Variants in PPIL6 observed in about 807,000 individuals in gnomAD.
PPIL6 encodes peptidylprolyl isomerase like 6, also known as probable inactive peptidyl-prolyl cis-trans isomerase-like 6.
A neutral mutation model predicts 36.8 loss-of-function variants in PPIL6; 39 were observed. That is an observed-to-expected ratio of 1.06 (90% CI 0.82 to 1.38). The LOEUF is 1.38. PPIL6 is among the 40% of genes most tolerant of loss of function. The pLI, the probability that PPIL6 is intolerant of heterozygous loss-of-function variation, is 0.00. For missense variants in PPIL6, 368 were observed against 379.1 expected (o/e 0.97, Z 0.24); for synonymous variants, 123 against 134.1 (o/e 0.92, Z 0.57).
chr6:109,440,438 A>T lies in PPIL6; in HGVS notation c.135+18T>A, dbSNP rs1410359445. ...TAGCGGGGAGGGCCGCCCACGACGG[A>T]GGTTTCTCTGTGGTTACCTCAGCGG... On this transcript the variant is annotated intron_variant, in intron 1 of 7. Transcript: ENST00000521072. 1 of 1,538,190 alleles carries T rather than the reference A, an allele frequency of 6.5e-7. No individual in the cohort carries two copies. The highest frequency in any genetic ancestry group is 8.8e-7 in the Non-Finnish European group (1 of 1,140,338).
chr6:109,398,534 G>A (rs910949393), intron 7 of PPIL6, among the ~76,000 whole-genome samples: 1 of 152,152 alleles, frequency 6.6e-6, no homozygotes, highest in Non-Finnish European at 1.5e-5. Context: ...AGTAAGCCCT[G>A]CCTCATATTC....
upstream of PPIL6, chr6:109,440,650 G>T: frequency 8.6e-7 from 1 of 1,169,286 alleles, no homozygotes; most frequent in Non-Finnish European, 1.1e-6. Context: ...GCAACCGCGC[G>T]GCCCCGCCTC....
intron 5 of PPIL6, 45 bp downstream of exon 5, chr6:109,426,802 T>C (rs775491530): frequency 3.0e-6 from 4 of 1,327,546 alleles, no homozygotes; most frequent in Non-Finnish European, 4.1e-6. Context: ...TTGGACCTTC[T>C]CATTTGATAT....
intron 6 of PPIL6, among the ~76,000 whole-genome samples, chr6:109,408,153 A>C (rs1270890338): frequency 6.6e-6 from 1 of 152,198 alleles, no homozygotes; most frequent in African/African-American, 2.4e-5. Flanking sequence ...GCCCTTTATA[A>C]TTTAACATCA....
chr6:109,401,342 T>C (rs1166788566), intron 6 of PPIL6, among the ~76,000 whole-genome samples: 1 of 152,182 alleles, frequency 6.6e-6, no homozygotes, highest in African/African-American at 2.4e-5. Flanking sequence ...CAAGTTCAAA[T>C]ACACAGAAGG....
At chr6:109,440,380 G>C in intron 1 of PPIL6, 76 bp downstream of exon 1, 1 of 1,490,944 alleles carries the variant, frequency 6.7e-7, no homozygotes, top group Non-Finnish European at 9.0e-7. Context: ...TCGAGGAGGC[G>C]CGGCGCCTGC....
intron 6 of PPIL6, among the ~76,000 whole-genome samples, chr6:109,406,683 G>A (rs572277574): frequency 1.7e-3 from 263 of 152,242 alleles, no homozygotes; most frequent in African/African-American, 6.1e-3. Flanking sequence ...ATATAGGAAA[G>A]GTGGTGCTTG....
chr6:109,407,860 T>C (rs1182776208), intron 6 of PPIL6, among the ~76,000 whole-genome samples: 1 of 152,160 alleles, frequency 6.6e-6, no homozygotes, highest in Non-Finnish European at 1.5e-5. Context: ...GGTCTTGCTA[T>C]GTTGCCCAGG....
chr6:109,423,094 C>T (rs567331657), intron 5 of PPIL6, among the ~76,000 whole-genome samples: 174 of 152,108 alleles, frequency 1.1e-3, no homozygotes, highest in Non-Finnish European at 1.9e-3. Context: ...CAGCTGGGCA[C>T]GGTGGCTCAT....
intron 6 of PPIL6, among the ~76,000 whole-genome samples, chr6:109,401,924 C>T (rs1049998790): frequency 5.3e-5 from 8 of 151,886 alleles, no homozygotes; most frequent in African/African-American, 1.9e-4. Flanking sequence ...AGGGTTTCAC[C>T]GTGTTTGCTA....
chr6:109,407,333 G>A (rs1772842631), intron 6 of PPIL6, among the ~76,000 whole-genome samples: 1 of 151,622 alleles, frequency 6.6e-6, no homozygotes, highest in Non-Finnish European at 1.5e-5. Context: ...TCTGCCTCCC[G>A]GGTTCACGCC....
intron 6 of PPIL6, chr6:109,405,006 A>C (rs1772735035): frequency 5.7e-6 from 2 of 352,514 alleles, no homozygotes; most frequent in African/African-American, 4.6e-5. Flanking sequence ...GTGAGCCGAG[A>C]TCACGCCATT....
chr6:109,414,762 G>C (rs765360841), intron 6 of PPIL6, among the ~76,000 whole-genome samples: 48 of 152,034 alleles, frequency 3.2e-4, no homozygotes, highest in Non-Finnish European at 1.6e-4. Flanking sequence ...TAAACAATGC[G>C]GGGGGTTAGG....
chr6:109,390,377 A>G lies in PPIL6; in HGVS notation c.*2449T>C, dbSNP rs1367397650. 2.0e-5 allele frequency: 3 copies of G among 152,214 alleles called. No individual in the cohort carries two copies. Among genetic ancestry groups the G allele is most frequent in the Non-Finnish European group, 4.4e-5 (3 of 68,042 alleles). The allele number at this position is 152,214 out of a possible 1,614,324, so 9.4% of individuals were successfully genotyped here. ...TCAGATGAAGGAATTGAGGCACAGA[A>G]AAGTTCTTGCCTGAGTTTGTGCAGC... On this transcript the variant is annotated 3_prime_UTR_variant, in exon 8 of 8. Coordinates refer to ENST00000521072, the MANE Select transcript of PPIL6 (RefSeq NM_173672.5).
chr6:109,417,406 AC>A (rs1773322222), intron 6 of PPIL6, among the ~76,000 whole-genome samples: 2 of 150,584 alleles, frequency 1.3e-5, no homozygotes, highest in Admixed American at 1.3e-4. Context: ...TTTTAAAGAA[AC>A]TGACTGTAAG....
At chr6:109,399,730 T>TG (rs1308159325) in intron 7 of PPIL6, among the ~76,000 whole-genome samples, 1 of 152,184 alleles carries the variant, frequency 6.6e-6, no homozygotes, top group African/African-American at 2.4e-5. Flanking sequence ...TTTGTAGAGA[T>TG]GGGGTCTCGC....
chr6:109,402,945 A>T, intron 6 of PPIL6: 1 of 838,000 alleles, frequency 1.2e-6, no homozygotes, highest in Non-Finnish European at 1.8e-6. Flanking sequence ...AGCTTTGCAG[A>T]CATAAAGTAT....
At chr6:109,398,505 A>G (rs1205940436) in intron 7 of PPIL6, among the ~76,000 whole-genome samples, 2 of 152,212 alleles carry the variant, frequency 1.3e-5, no homozygotes, top group African/African-American at 4.8e-5. Context: ...AACACTTTAC[A>G]TTATCTCAGG....
chr6:109,410,989 C>A (rs1394172965), intron 6 of PPIL6, among the ~76,000 whole-genome samples: 1 of 152,186 alleles, frequency 6.6e-6, no homozygotes, highest in Non-Finnish European at 1.5e-5. Context: ...TGTGCCCCAA[C>A]CGGCTCATTT....
Sources: gnomAD v4.1 joint callset for allele counts (sites outside exome capture counted in the v4.1 genomes callset) on GRCh38, gnomAD v4.1.1 for gene constraint, MANE v1.5 for transcripts, NCBI Gene and HGNC (gene_info 2026-07-23, HGNC 2026-07-21) for gene names.